Variants in EPYC observed in about 807,000 individuals in gnomAD.
The protein encoded by EPYC is epiphycan.
A neutral mutation model predicts 30.1 loss-of-function variants in EPYC; 28 were observed. That is an observed-to-expected ratio of 0.93 (90% confidence interval 0.69 to 1.28). EPYC has a LOEUF of 1.28. Ranked by LOEUF, EPYC falls within the 50% of genes most tolerant of loss-of-function variation. EPYC has a pLI of 0.00. For missense variants in EPYC, 382 were observed against 383.5 expected (o/e 1.00, Z 0.03); for synonymous variants, 144 against 141.4 (o/e 1.02, Z -0.13).
intron 6 of EPYC, among the ~76,000 whole-genome samples, chr12:90,964,688 C>G (rs1876851223): frequency 6.6e-6 from 1 of 151,690 alleles, no homozygotes; most frequent in Non-Finnish European, 1.5e-5. Context: ...AAGAAAAAGG[C>G]ATGGAAAAAA....
At chr12:90,978,031 G>T in intron 3 of EPYC, 57 bp downstream of exon 3, 2 of 1,442,446 alleles carry the variant, frequency 1.4e-6, no homozygotes, top group Non-Finnish European at 1.8e-6. Context: ...TTGAAGCTGT[G>T]CAGTTTTGAG....
intron 1 of EPYC, among the ~76,000 whole-genome samples, chr12:91,003,676 A>G (rs1877884520): frequency 6.6e-6 from 1 of 152,092 alleles, no homozygotes; most frequent in Non-Finnish European, 1.5e-5. Context: ...AAGTATTGTA[A>G]AATTCTGTAT....
Position 90,989,733 on chromosome 12 carries a change from T to C in EPYC, c.166-11471A>G, listed in dbSNP as rs1877539561. Among the ~76,000 whole-genome samples the C allele has an allele frequency of 2.0e-5, 3 of 152,072 alleles. No homozygotes were observed. The South Asian group carries it at 6.2e-4, about 31-fold the overall frequency. Reference sequence around the variant, plus strand: ...CTCACATACTTCTCTTCTTACTTCCTTTCTTATTGTCAGAAAATGGCAATA... The same window carrying C: ...CTCACATACTTCTCTTCTTACTTCCCTTCTTATTGTCAGAAAATGGCAATA... On this transcript the variant is annotated intron_variant, in intron 2 of 6. Coordinates refer to ENST00000261172, the MANE Select transcript of EPYC (RefSeq NM_004950.5).
intron 3 of EPYC, among the ~76,000 whole-genome samples, chr12:90,977,432 C>T (rs915854361): frequency 3.9e-5 from 6 of 152,134 alleles, no homozygotes; most frequent in African/African-American, 1.4e-4. Flanking sequence ...ATATTTTCCT[C>T]TCTCTGTTGC....
chr12:91,000,869 T>C (rs974408659), intron 2 of EPYC, among the ~76,000 whole-genome samples: 1 of 152,128 alleles, frequency 6.6e-6, no homozygotes, highest in African/African-American at 2.4e-5. Flanking sequence ...AAAACTTTCA[T>C]CTTATATTCT....
At chr12:90,990,229 G>T (rs1027915689) in intron 2 of EPYC, among the ~76,000 whole-genome samples, 2 of 151,906 alleles carry the variant, frequency 1.3e-5, no homozygotes. Flanking sequence ...AAAGCAAATT[G>T]TTTCTTGTAA....
intron 3 of EPYC, among the ~76,000 whole-genome samples, chr12:90,975,775 G>A (rs893035629): frequency 6.6e-6 from 1 of 151,992 alleles, no homozygotes; most frequent in African/African-American, 2.4e-5. Flanking sequence ...TATTTTGGGT[G>A]CTTTATGCTG....
chr12:90,972,660 A>T (rs2120808224), intron 4 of EPYC, 162 bp downstream of exon 4: 1 of 613,650 alleles, frequency 1.6e-6, no homozygotes, highest in Non-Finnish European at 2.7e-6. Flanking sequence ...TTTTTCTTAT[A>T]ATTGTTAAAG....
At chr12:90,966,042 A>G (rs1565869532) in intron 6 of EPYC, among the ~76,000 whole-genome samples, 1 of 151,992 alleles carries the variant, frequency 6.6e-6, no homozygotes, top group Non-Finnish European at 1.5e-5. Flanking sequence ...ATTCCTTAAT[A>G]TTTTTTATAT....
At chr12:90,999,629 A>G (rs1877774762) in intron 2 of EPYC, among the ~76,000 whole-genome samples, 1 of 152,110 alleles carries the variant, frequency 6.6e-6, no homozygotes, top group African/African-American at 2.4e-5. Flanking sequence ...AGAACATTTG[A>G]AACAACTCAC....
chr12:90,983,502 G>T (rs1877374132), intron 2 of EPYC, among the ~76,000 whole-genome samples: 1 of 152,102 alleles, frequency 6.6e-6, no homozygotes, highest in South Asian at 2.1e-4. Flanking sequence ...TGAGAGCGTT[G>T]GTTTGCTTGA....
chr12:90,972,970 G>A lies in EPYC; in HGVS notation c.351C>T (p.Thr117=). 6.3e-7 allele frequency: 1 copy of A among 1,579,438 alleles called. No individual in the cohort carries two copies. The highest frequency in any genetic ancestry group is 8.6e-7 in the Non-Finnish European group (1 of 1,162,034). Residue 117 remains threonine, a synonymous_variant, in exon 4 of 7, where the codon ACC becomes ACT. Transcript: ENST00000261172. ...TACTTATACAAGTACACAAAAGACAGGTTGGAAAGTCTAAAAGATAAAGGA... is the reference window on the plus strand; with the variant it reads ...TACTTATACAAGTACACAAAAGACAAGTTGGAAAGTCTAAAAGATAAAGGA... ...LGPHTNEDFP[T]CLLCTCISTT...
intron 2 of EPYC, among the ~76,000 whole-genome samples, chr12:90,997,449 T>C (rs1378786847): frequency 6.6e-6 from 1 of 152,038 alleles, no homozygotes; most frequent in Non-Finnish European, 1.5e-5. Flanking sequence ...TACACATAGT[T>C]AGGGCTAATG....
intron 2 of EPYC, among the ~76,000 whole-genome samples, chr12:90,998,409 G>A (rs1414988891): frequency 6.6e-6 from 1 of 151,960 alleles, no homozygotes; most frequent in Non-Finnish European, 1.5e-5. Context: ...GAAAACAATG[G>A]ATCATAGATA....
chr12:90,984,384 C>T (rs1165426178), intron 2 of EPYC, among the ~76,000 whole-genome samples: 1 of 152,074 alleles, frequency 6.6e-6, no homozygotes, highest in African/African-American at 2.4e-5. Context: ...AAATGGGAAA[C>T]ATTCAGGCAT....
chr12:90,966,615 C>T (rs1187916255), intron 6 of EPYC, among the ~76,000 whole-genome samples: 1 of 151,796 alleles, frequency 6.6e-6, no homozygotes, highest in African/African-American at 2.4e-5. Context: ...ATATATTTGT[C>T]GAGTACTGTT....
chr12:90,978,337 A>G, intron 2 of EPYC, 75 bp from the exon 3 acceptor site: 1 of 1,430,826 alleles, frequency 7.0e-7, no homozygotes, highest in Non-Finnish European at 9.4e-7. Context: ...ACACAAATTT[A>G]AAATGTACCC....
intron 6 of EPYC, among the ~76,000 whole-genome samples, chr12:90,964,906 A>G (rs1242629457): frequency 6.6e-6 from 1 of 152,150 alleles, no homozygotes; most frequent in East Asian, 1.9e-4. Flanking sequence ...CACATACCAT[A>G]AAATTCACCC....
intron 6 of EPYC, among the ~76,000 whole-genome samples, chr12:90,968,898 C>T (rs1035734442): frequency 6.6e-6 from 1 of 151,500 alleles, no homozygotes; most frequent in Admixed American, 6.6e-5. Flanking sequence ...AGAGAGCCAT[C>T]CAGAAATCAA....
Sources: allele counts gnomAD v4.1 joint callset (sites outside exome capture counted in the v4.1 genomes callset), GRCh38; gene constraint gnomAD v4.1.1; transcripts MANE v1.5; gene names NCBI Gene and HGNC (gene_info 2026-07-23, HGNC 2026-07-21).